The following MIA2 variants were observed in gnomAD, a reference collection of about 807,000 sequenced individuals.
MIA2 encodes the protein MIA SH3 domain ER export factor 2, also known as melanoma inhibitory activity protein 2.
MIA2 carries 127 observed loss-of-function variants against 167.8 expected under a neutral mutation model. That is an observed-to-expected ratio of 0.76 (90% CI 0.66 to 0.88). The LOEUF (loss-of-function observed/expected upper bound fraction) is 0.88. Among genes scored for constraint, MIA2 ranks in the 40% least tolerant of loss-of-function variants. The probability of loss-of-function intolerance (pLI) is 0.00; values close to 1 mark genes in which losing one functional copy is unlikely to be tolerated. For missense variants in MIA2, 1,690 were observed against 1,624.7 expected (o/e 1.04, Z -0.69); for synonymous variants, 552 against 541.9 (o/e 1.02, Z -0.26).
In MIA2 at chr14:39,299,994, G is replaced by T; in HGVS notation, c.2619+8G>T. 6.3e-7 allele frequency: 1 copy of T among 1,584,342 alleles called. No homozygotes were observed. Among genetic ancestry groups the T allele is most frequent in the Non-Finnish European group, 8.5e-7 (1 of 1,169,922 alleles). On this transcript the variant is annotated splice_region_variant and intron_variant, in intron 14 of 28. Transcript: ENST00000640607. ...AAAGAAAGTCACATCAAGGTAAATGGCTCTACTGGTTTTAGTGATCAAGTT... is the reference window on the plus strand; with the variant it reads ...AAAGAAAGTCACATCAAGGTAAATGTCTCTACTGGTTTTAGTGATCAAGTT...
intron 25 of MIA2, among the ~76,000 whole-genome samples, chr14:39,341,353 TATAAC>T (rs1433214555): frequency 3.9e-5 from 6 of 152,078 alleles, no homozygotes; most frequent in African/African-American, 7.2e-5. Context: ...TGATGGATAA[TATAAC>T]ATATTTATTT....
intron 26 of MIA2, 171 bp from the exon 27 acceptor site, chr14:39,347,542 G>C: frequency 1.6e-6 from 1 of 610,222 alleles, no homozygotes; most frequent in Non-Finnish European, 2.9e-6. Context: ...GAGTCTGCCA[G>C]AATTTCTAGG....
rs1015714934 is a variant in MIA2 at position 39,236,918 on chromosome 14, A to T, written c.116-4A>T. The T allele has an allele frequency of 1.6e-5, 25 of 1,597,500 alleles. No homozygotes were observed. Among genetic ancestry groups the T allele is most frequent in the Non-Finnish European group, 2.1e-5 (25 of 1,175,782 alleles). On this transcript the variant is annotated splice_region_variant and splice_polypyrimidine_tract_variant and intron_variant, in intron 1 of 28. Transcript: ENST00000640607. Reference sequence around the variant, plus strand: ...GTGTATTTTTCTTTACATGTTTTACATAGCTTTAATAAACAGAGTCTCAGC... The same window carrying T: ...GTGTATTTTTCTTTACATGTTTTACTTAGCTTTAATAAACAGAGTCTCAGC...
chr14:39,294,928 A>C lies in MIA2; in HGVS notation c.2395A>C (p.Lys799Gln). The C allele has an allele frequency of 6.2e-7, 1 of 1,609,556 alleles. No homozygotes were observed. Among genetic ancestry groups the C allele is most frequent in the East Asian group, 2.2e-5 (1 of 44,842 alleles). The change falls in exon 13 of 29, where the codon AAA (lysine) becomes CAA (glutamine). Residue 799 changes from lysine to glutamine, a missense_variant. Coordinates refer to ENST00000640607, the MANE Select transcript of MIA2 (RefSeq NM_001329214.4). ...KSLKSQVAEA[K>Q]MTFKIFQMNE... ...TGACATTTTTTGTTTCACTTAGGCC[A>C]AAATGACCTTCAAGATATTTCAAAT...
downstream of MIA2, among the ~76,000 whole-genome samples, chr14:39,354,246 T>C (rs1595930519): frequency 6.6e-6 from 1 of 152,366 alleles, no homozygotes; most frequent in East Asian, 1.9e-4. Flanking sequence ...GACTTTTTAA[T>C]GATCACCATT....
At chr14:39,258,948 T>C (rs1271519137) in intron 6 of MIA2, among the ~76,000 whole-genome samples, 1 of 152,220 alleles carries the variant, frequency 6.6e-6, no homozygotes, top group Non-Finnish European at 1.5e-5. Flanking sequence ...TGCTCCTTCC[T>C]TTGGACACTT....
At chr14:39,292,910 T>G (rs1315919116) in intron 10 of MIA2, among the ~76,000 whole-genome samples, 1 of 152,220 alleles carries the variant, frequency 6.6e-6, no homozygotes, top group African/African-American at 2.4e-5. Flanking sequence ...TTTATAGTGC[T>G]TTTAAGCAGA....
Position 39,386,843 on chromosome 14 carries a change from C to G in MIA2, c.2249-42C>G, listed in dbSNP as rs767435157. On this transcript the variant is annotated intron_variant, in intron 23 of 23. Transcript: ENST00000341502. ...CCATAGAATTCTCAGCAACTCGTCT[C>G]TCTTCTACTTTAACTCTGAGGCGGT... is the stretch of plus-strand genomic sequence containing the variant. The G allele has an allele frequency of 1.9e-5, 17 of 873,554 alleles. No individual in the cohort carries two copies. In the South Asian group the frequency reaches 2.1e-4, roughly 11 times the overall value. 54.1% of individuals were successfully genotyped at this position (873,554 alleles called of 1,614,324 possible).
chr14:39,344,023 T>TA (rs145552475), intron 25 of MIA2, among the ~76,000 whole-genome samples: 2,907 of 152,298 alleles, frequency 0.019, 86 homozygotes, highest in African/African-American at 0.064. Flanking sequence ...ACATGGTGTT[T>TA]ATGTGTTTCT....
chr14:39,292,022 G>A (rs538146830), intron 10 of MIA2, among the ~76,000 whole-genome samples: 1 of 152,306 alleles, frequency 6.6e-6, no homozygotes, highest in South Asian at 2.1e-4. Flanking sequence ...AACTCTATGT[G>A]TTATGATTCA....
chr14:39,243,721 C>A (rs1000031725), intron 3 of MIA2, among the ~76,000 whole-genome samples: 3 of 152,040 alleles, frequency 2.0e-5, no homozygotes, highest in Admixed American at 6.6e-5. Context: ...CAAAAATTAG[C>A]CAGGTGTGGT....
intron 25 of MIA2, among the ~76,000 whole-genome samples, chr14:39,340,557 A>G (rs1177913137): frequency 6.6e-6 from 1 of 152,178 alleles, no homozygotes; most frequent in African/African-American, 2.4e-5. Flanking sequence ...TACATTCTGA[A>G]CAGTTTTTTC....
chr14:39,376,344 A>G (rs918840309), intron 23 of MIA2, among the ~76,000 whole-genome samples: 1 of 152,222 alleles, frequency 6.6e-6, no homozygotes, highest in Non-Finnish European at 1.5e-5. Flanking sequence ...AAATGAGTTT[A>G]ACATGATAAA....
chr14:39,270,742 A>C (rs1321281486), intron 6 of MIA2, among the ~76,000 whole-genome samples: 8 of 152,140 alleles, frequency 5.3e-5, no homozygotes, highest in Admixed American at 2.0e-4. Context: ...GATGTTGAGC[A>C]TGTGCTTATT....
At chr14:39,293,137 T>C in intron 10 of MIA2, 134 bp from the exon 11 acceptor site, 1 of 686,436 alleles carries the variant, frequency 1.5e-6, no homozygotes, top group Non-Finnish European at 2.5e-6. Context: ...TGCTGTTATT[T>C]TGATATTATA....
intron 6 of MIA2, among the ~76,000 whole-genome samples, chr14:39,271,954 G>A (rs2057236651): frequency 6.6e-6 from 1 of 152,106 alleles, no homozygotes. Flanking sequence ...CTGGGTCTGC[G>A]GCCTTTTGTG....
At chr14:39,378,666 CTT>C (rs1157099189) in intron 23 of MIA2, among the ~76,000 whole-genome samples, 1 of 152,172 alleles carries the variant, frequency 6.6e-6, no homozygotes, top group Non-Finnish European at 1.5e-5. Flanking sequence ...ACAGGAATCT[CTT>C]ATGATTTTGG....
intron 23 of MIA2, among the ~76,000 whole-genome samples, chr14:39,382,276 C>A (rs1007622921): frequency 5.9e-5 from 9 of 152,208 alleles, no homozygotes; most frequent in Non-Finnish European, 1.3e-4. Context: ...AGCAAATCAT[C>A]CTATTTGAGC....
intron 17 of MIA2, among the ~76,000 whole-genome samples, chr14:39,305,019 A>G (rs1026843404): frequency 2.6e-5 from 4 of 152,312 alleles, no homozygotes; most frequent in Admixed American, 2.0e-4. Flanking sequence ...GACTGGAAGG[A>G]CATACTCAAA....
Sources: gnomAD v4.1 joint callset for allele counts (sites outside exome capture counted in the v4.1 genomes callset) on GRCh38, gnomAD v4.1.1 for gene constraint, MANE v1.5 for transcripts, NCBI Gene and HGNC (gene_info 2026-07-23, HGNC 2026-07-21) for gene names.